Variants in GCC2 observed in about 807,000 individuals in gnomAD.
GCC2 encodes GRIP and coiled-coil domain-containing protein 2.
In GCC2, 120 loss-of-function variants were observed where a neutral mutation model predicts 210.6. The ratio of observed to expected loss-of-function variants is 0.57; its 90% CI spans 0.49 to 0.66. The LOEUF is 0.66. Among genes scored for constraint, GCC2 ranks in the 30% least tolerant of loss-of-function variants. GCC2 has a pLI of 0.00. For missense variants in GCC2, 1,868 were observed against 1,871.9 expected (o/e 1.00, Z 0.04); for synonymous variants, 703 against 652.7 (o/e 1.08, Z -1.17).
chr2:108,482,092 C>G (rs1337829571), intron 10 of GCC2, among the ~76,000 whole-genome samples, 195 bp from the exon 11 acceptor site: 1 of 152,110 alleles, frequency 6.6e-6, no homozygotes, highest in Non-Finnish European at 1.5e-5. Context: ...CACCTGGTCT[C>G]TTGTAAGGTT....
At position 108,489,858 on chromosome 2, in the gene GCC2, T is replaced by G. The variant is rs1682323191; in HGVS notation, c.4073T>G (p.Ile1358Ser). ...KQEREHLEMLIDQLKIKLQDS... is the reference protein window; with the variant it reads ...KQEREHLEMLSDQLKIKLQDS... Reference sequence around the variant, plus strand: ...TTTAGGGAACATCTGGAAATGCTGATTGACCAGCTAAAAATCAAATTACAA... The same window carrying G: ...TTTAGGGAACATCTGGAAATGCTGAGTGACCAGCTAAAAATCAAATTACAA... Residue 1358 changes from isoleucine to serine, a missense_variant, in exon 18 of 23, where the codon ATT becomes AGT. Physicochemically the swap from Ile to Ser is moderately radical, Grantham distance 142 (BLOSUM62 -2). Around this residue, in one of 3 missense-constraint regions of GCC2, gnomAD observed 1,847 missense variants for 1,765.2 expected, o/e 1.05. Transcript: ENST00000309863. The G allele has an allele frequency of 6.2e-7, 1 of 1,603,438 alleles. No individual in the cohort carries two copies. The highest frequency in any genetic ancestry group is 1.3e-5 in the African/African-American group (1 of 74,696).
Position 108,486,627 on chromosome 2 carries a change from G to T in GCC2, c.3909G>T (p.Gln1303His), listed in dbSNP as rs754707101. Residue 1303 changes from glutamine (Q) to histidine (H), a missense_variant, in exon 16 of 23, where the codon CAG (glutamine) becomes CAT (histidine). Gln to His is a conservative substitution (Grantham distance 24). Transcript: ENST00000309863. ...ACCAGCAGAGAGTGACAGCACTACA[G>T]GAAGAGTGCCGTGCTGCCAAGGTGC... ...SAYQQRVTAL[Q>H]EECRAAKAEQ... is the part of the protein sequence containing the mutation. 2.5e-6 allele frequency: 4 copies of T among 1,613,172 alleles called. No homozygotes were observed. Among genetic ancestry groups the T allele is most frequent in the Non-Finnish European group, 3.4e-6 (4 of 1,179,668 alleles).
chr2:108,486,701 GTCA>G, intron 16 of GCC2, 53 bp downstream of exon 16: 2 of 1,553,484 alleles, frequency 1.3e-6, no homozygotes, highest in Non-Finnish European at 1.8e-6. Flanking sequence ...TTATCAGCTA[GTCA>G]TTGGTTTACT....
chr2:108,466,908 C>G (rs1680923613), intron 4 of GCC2, among the ~76,000 whole-genome samples: 2 of 152,204 alleles, frequency 1.3e-5, no homozygotes, highest in African/African-American at 4.8e-5. Flanking sequence ...ATTGAATAGC[C>G]TTTCTCCATT....
At position 108,475,561 on chromosome 2, in the gene GCC2, A is replaced by C; in HGVS notation, c.2887A>C (p.Lys963Gln). Residue 963 changes from lysine (K) to glutamine (Q), a missense_variant, in exon 8 of 23, where the codon AAG (lysine) becomes CAG (glutamine). By Grantham distance (53) the Lys-to-Gln change is moderately conservative. Around this residue, in one of 3 missense-constraint regions of GCC2, gnomAD observed 1,847 missense variants for 1,765.2 expected, o/e 1.05. Coordinates refer to ENST00000309863, the MANE Select transcript of GCC2 (RefSeq NM_181453.4). ...IENLEKECKE[K>Q]EEKINKIKLV... is the part of the protein sequence containing the mutation. ...AAATCTGGAAAAAGAATGCAAAGAA[A>C]AGGAGGAGAAAATAAATAAGATAAA... is the stretch of plus-strand genomic sequence containing the variant. The C allele has an allele frequency of 6.7e-7, 1 of 1,503,540 alleles. No homozygotes were observed. The highest frequency in any genetic ancestry group is 1.3e-5 in the South Asian group (1 of 77,530). 93.1% of individuals were successfully genotyped at this position (1,503,540 alleles called of 1,614,324 possible).
At chr2:108,495,171 T>C (rs1438684772) in intron 19 of GCC2, 120 bp from the exon 20 acceptor site, 2 of 583,056 alleles carry the variant, frequency 3.4e-6, no homozygotes, top group Non-Finnish European at 6.0e-6. Flanking sequence ...ACTTATCTTA[T>C]AGTTACTTAA....
rs776999762 is a variant in GCC2, at chr2:108,470,963, A to G, written c.1634A>G (p.Glu545Gly). ...GTGAATCGCCTCCAGGGAGAAAATG[A>G]AAAGTTACTATCTCAACAAGAATTG... ...ETVNRLQGEN[E>G]KLLSQQELVP... Residue 545 changes from glutamate to glycine, a missense_variant, in exon 6 of 23, where the codon GAA becomes GGA. Glu to Gly is a moderately conservative substitution (Grantham distance 98, BLOSUM62 -2). This residue lies in a region of GCC2 where 1,847 missense variants were observed against 1,765.2 expected (regional missense o/e 1.05). Coordinates refer to ENST00000309863, the MANE Select transcript of GCC2 (RefSeq NM_181453.4). The G allele has an allele frequency of 2.5e-6, 4 of 1,613,230 alleles. No individual in the cohort carries two copies. The Admixed American group carries it at 5.0e-5, about 20-fold the overall frequency.
At position 108,475,567 on chromosome 2, in the gene GCC2, G is replaced by T; in HGVS notation, c.2893G>T (p.Glu965Ter). Residue 965 changes from glutamate (E) to a stop codon, truncating the protein, a stop_gained, in exon 8 of 23, where the codon GAG becomes TAG. Coordinates refer to ENST00000309863, the MANE Select transcript of GCC2 (RefSeq NM_181453.4). LOFTEE classifies it high-confidence loss of function. Reference protein sequence around the residue: ...NLEKECKEKEEKINKIKLVAV... With the variant: ...NLEKECKEKE The stretch of plus-strand genomic sequence containing the variant: ...GGAAAAAGAATGCAAAGAAAAGGAG[G>T]AGAAAATAAATAAGATAAAATTAGT... 2 of 1,512,916 alleles carry T rather than the reference G, an allele frequency of 1.3e-6. No individual in the cohort carries two copies. The highest frequency in any genetic ancestry group is 1.3e-5 in the South Asian group (1 of 77,640). The allele number at this position is 1,512,916 out of a possible 1,614,324, so 93.7% of individuals were successfully genotyped here.
intron 19 of GCC2, among the ~76,000 whole-genome samples, chr2:108,493,019 T>G (rs1682480803): frequency 6.6e-6 from 1 of 152,234 alleles, no homozygotes; most frequent in African/African-American, 2.4e-5. Flanking sequence ...ATGCTGACTT[T>G]GATGTATTCC....
At chr2:108,476,310 G>A (rs1023114421) in intron 9 of GCC2, among the ~76,000 whole-genome samples, 13 of 151,912 alleles carry the variant, frequency 8.6e-5, no homozygotes, top group Admixed American at 5.2e-4. Flanking sequence ...CACCTACCTC[G>A]GCCTCCCAAA....
At chr2:108,454,739 C>G (rs1322473805) in intron 4 of GCC2, among the ~76,000 whole-genome samples, 3 of 152,154 alleles carry the variant, frequency 2.0e-5, no homozygotes, top group Non-Finnish European at 4.4e-5. Flanking sequence ...GATAATAATA[C>G]TTTCTGTTTG....
At position 108,507,480 on chromosome 2, in the gene GCC2, A is replaced by G. The variant is rs1466143369; in HGVS notation, c.4985-80A>G. 8.6e-6 allele frequency: 10 copies of G among 1,164,696 alleles called. No individual in the cohort carries two copies. In the East Asian group the frequency reaches 2.9e-4, roughly 33 times the overall value. The allele number at this position is 1,164,696 out of a possible 1,614,324, so 72.1% of individuals were successfully genotyped here. Reference sequence around the variant, plus strand: ...GCTTATATTGTAGAGTGATTCTAAAATATAGATTTTACATTGAGAAATTTT... The same window carrying G: ...GCTTATATTGTAGAGTGATTCTAAAGTATAGATTTTACATTGAGAAATTTT... On this transcript the variant is annotated intron_variant, in intron 22 of 22. Transcript: ENST00000309863.
intron 22 of GCC2, among the ~76,000 whole-genome samples, chr2:108,506,743 C>T (rs1030890552): frequency 3.9e-5 from 6 of 151,956 alleles, no homozygotes; most frequent in East Asian, 1.9e-4. Flanking sequence ...ATCCTCTTAT[C>T]GTCAACAATA....
chr2:108,484,339 T>C (rs776332115), intron 13 of GCC2, 28 bp downstream of exon 13: 15 of 1,289,944 alleles, frequency 1.2e-5, no homozygotes, highest in Non-Finnish European at 1.6e-5. Context: ...CACTTTACTT[T>C]TTAATTATTT....
chr2:108,476,628 A>G (rs1384726253), intron 9 of GCC2, among the ~76,000 whole-genome samples: 3 of 152,218 alleles, frequency 2.0e-5, no homozygotes, highest in Non-Finnish European at 2.9e-5. Flanking sequence ...ATGTATTATT[A>G]AAAAGATAAG....
intron 9 of GCC2, among the ~76,000 whole-genome samples, chr2:108,476,201 A>G (rs2104463847): frequency 6.6e-6 from 1 of 151,742 alleles, no homozygotes; most frequent in East Asian, 1.9e-4. Context: ...CTGGGACTAC[A>G]GGTGCGCGCC....
intron 21 of GCC2, among the ~76,000 whole-genome samples, chr2:108,498,591 G>T (rs772969831): frequency 6.6e-6 from 1 of 152,044 alleles, no homozygotes. Context: ...GACAAAGTTC[G>T]CTAACTTTCT....
chr2:108,478,201 G>A lies in GCC2; in HGVS notation c.3060+2351G>A, dbSNP rs139795771. ...TAAATTTTAAATGGGTTTTTTAATG[G>A]ATTTGTAAGATCTTTGTATATAAAC... On this transcript the variant is annotated intron_variant, in intron 9 of 22. Coordinates refer to ENST00000309863, the MANE Select transcript of GCC2 (RefSeq NM_181453.4). Among the ~76,000 whole-genome samples, 19 of 136,566 alleles carry A rather than the reference G, an allele frequency of 1.4e-4. No homozygotes were observed. The East Asian group carries it at 3.8e-3, about 27-fold the overall frequency. 89.6% of individuals were successfully genotyped at this position (136,566 alleles called of 152,430 possible). A position where few individuals can be genotyped will look rare whatever the true frequency, so the allele number is the denominator to read the frequency against.
In GCC2 at chr2:108,470,104, A is replaced by G; in HGVS notation, c.775A>G (p.Ile259Val). 7 of 1,613,576 alleles carry G rather than the reference A, an allele frequency of 4.3e-6. No individual in the cohort carries two copies. Among genetic ancestry groups the G allele is most frequent in the Non-Finnish European group, 5.9e-6 (7 of 1,179,622 alleles). The change falls in exon 6 of 23, where the codon ATT becomes GTT. Residue 259 changes from isoleucine (I) to valine (V), a missense_variant. This residue lies in a region of GCC2 where 1,847 missense variants were observed against 1,765.2 expected (regional missense o/e 1.05). Transcript: ENST00000309863. ...AGAGGTGAAAGAGTTGATGTGCCAG[A>G]TTGAAGCATCAGCTAAGGAACATGA... Reference protein sequence around the residue: ...QEEVKELMCQIEASAKEHEAE... With the variant: ...QEEVKELMCQVEASAKEHEAE...
Sources: allele counts gnomAD v4.1 joint callset (sites outside exome capture counted in the v4.1 genomes callset), GRCh38; gene constraint gnomAD v4.1.1; regional missense constraint gnomAD v4.1.1; transcripts MANE v1.5; gene names NCBI Gene and HGNC (gene_info 2026-07-23, HGNC 2026-07-21).